The following GRIP1 variants were observed in gnomAD, a reference collection of about 807,000 sequenced individuals.
GRIP1 encodes glutamate receptor-interacting protein 1.
A neutral mutation model predicts 129.9 loss-of-function variants in GRIP1; 45 were observed. The observed-to-expected ratio is 0.35, with a 90% CI of 0.27 to 0.44. The LOEUF is 0.44. GRIP1 is among the 20% of genes least tolerant of loss of function. The probability of loss-of-function intolerance (pLI) is 1.00; values close to 1 mark genes in which losing one functional copy is unlikely to be tolerated. For missense variants in GRIP1, 1,196 were observed against 1,396.8 expected, an observed-to-expected ratio of 0.86 and a Z score of 2.29; for synonymous variants, 530 against 520.8, an observed-to-expected ratio of 1.02 and a Z score of -0.24.
chr12:66,871,465 C>T (rs1376270990), intron 1 of GRIP1, among the ~76,000 whole-genome samples: 2 of 152,082 alleles, frequency 1.3e-5, no homozygotes, highest in Admixed American at 6.6e-5. Flanking sequence ...GTTTGTGCCT[C>T]AGTTTCCTCA....
chr12:66,414,490 A>C (rs1179446811), intron 15 of GRIP1, among the ~76,000 whole-genome samples: 1 of 152,156 alleles, frequency 6.6e-6, no homozygotes, highest in Non-Finnish European at 1.5e-5. Context: ...GGATAGAAAA[A>C]ATCAATATCA....
chr12:66,380,963 T>C (rs61466449), intron 19 of GRIP1, among the ~76,000 whole-genome samples: 2,426 of 152,296 alleles, frequency 0.016, 67 homozygotes, highest in African/African-American at 0.055. Flanking sequence ...ATGGCCTGAT[T>C]GCGTAAGATG....
chr12:66,644,248 C>A (rs1411039284), intron 1 of GRIP1, among the ~76,000 whole-genome samples: 4 of 152,172 alleles, frequency 2.6e-5, no homozygotes, highest in Non-Finnish European at 4.4e-5. Context: ...GGTGGGGACA[C>A]AGGGCCAAAC....
chr12:66,750,752 T>C (rs1386730231), intron 1 of GRIP1, among the ~76,000 whole-genome samples: 2 of 152,172 alleles, frequency 1.3e-5, no homozygotes, highest in African/African-American at 4.8e-5. Flanking sequence ...ACAAAGAGAA[T>C]TCCATCACAC....
At chr12:66,825,594 G>A (rs1483084352) in intron 1 of GRIP1, among the ~76,000 whole-genome samples, 5 of 152,242 alleles carry the variant, frequency 3.3e-5, no homozygotes, top group Non-Finnish European at 2.9e-5. Flanking sequence ...TCTGTAAAAT[G>A]GGCATAATAT....
chr12:66,652,173 C>G (rs2136147150), intron 1 of GRIP1, among the ~76,000 whole-genome samples: 1 of 152,262 alleles, frequency 6.6e-6, no homozygotes, highest in Non-Finnish European at 1.5e-5. Context: ...TGTGTCCCCA[C>G]CCAAATCTCA....
intron 2 of GRIP1, among the ~76,000 whole-genome samples, chr12:66,565,056 T>C (rs1768759228): frequency 6.6e-6 from 1 of 152,218 alleles, no homozygotes; most frequent in Admixed American, 6.5e-5. Flanking sequence ...GCAAAAATTT[T>C]CCCCCATTCT....
chr12:66,403,250 A>G (rs577668795), intron 16 of GRIP1, among the ~76,000 whole-genome samples: 8 of 152,324 alleles, frequency 5.3e-5, no homozygotes, highest in African/African-American at 1.9e-4. Context: ...TGTACACGGT[A>G]CCCAATATGT....
chr12:66,937,290 C>G (rs2041502254), intron 1 of GRIP1, among the ~76,000 whole-genome samples: 1 of 152,176 alleles, frequency 6.6e-6, no homozygotes. Flanking sequence ...TTATTTTACT[C>G]CATGACATTT....
At chr12:66,836,191 C>A (rs1213439268) in intron 1 of GRIP1, among the ~76,000 whole-genome samples, 1 of 152,010 alleles carries the variant, frequency 6.6e-6, no homozygotes, top group East Asian at 1.9e-4. Flanking sequence ...AGACAAAACC[C>A]ACCTATGATA....
At chr12:66,762,003 T>C (rs1687203229) in intron 1 of GRIP1, among the ~76,000 whole-genome samples, 2 of 152,164 alleles carry the variant, frequency 1.3e-5, no homozygotes, top group African/African-American at 2.4e-5. Context: ...AAAATGAGGA[T>C]AGTTACATTT....
chr12:66,755,219 A>G (rs2136638862), intron 1 of GRIP1, among the ~76,000 whole-genome samples: 1 of 152,300 alleles, frequency 6.6e-6, no homozygotes, highest in Admixed American at 6.5e-5. Flanking sequence ...AAGGCAATGA[A>G]AAAACAAGCC....
At chr12:66,923,973 T>C (rs912006616) in intron 1 of GRIP1, among the ~76,000 whole-genome samples, 1 of 152,076 alleles carries the variant, frequency 6.6e-6, no homozygotes, top group Non-Finnish European at 1.5e-5. Context: ...GCCTCCCGAG[T>C]AGCTGGGATT....
intron 14 of GRIP1, among the ~76,000 whole-genome samples, chr12:66,431,536 T>C (rs1415190654): frequency 1.3e-5 from 2 of 152,240 alleles, no homozygotes; most frequent in African/African-American, 4.8e-5. Context: ...CACCATTTCA[T>C]ACTGCCCAAT....
At chr12:67,027,528 G>A (rs1206121851) in intron 1 of GRIP1, among the ~76,000 whole-genome samples, 2 of 152,180 alleles carry the variant, frequency 1.3e-5, no homozygotes, top group Non-Finnish European at 2.9e-5. Flanking sequence ...ATACCATCCT[G>A]TCCCTGTAGA....
rs2059181574 is a variant in GRIP1, at chr12:66,463,070, T to C, written c.896A>G (p.Asp299Gly). Residue 299 changes from aspartate to glycine, a missense_variant, in exon 9 of 25, where the codon GAT becomes GGT. Asp to Gly is a moderately conservative substitution (Grantham distance 94, BLOSUM62 -1). Transcript: ENST00000359742. The part of the protein sequence containing the change: ...ADRCGALHVG[D>G]HILSIDGTSM... ...GGTTCCATCGATGGAGAGGATGTGA[T>C]CTCCCACATGCAATGCGCCACATCT... The C allele has an allele frequency of 6.2e-7, 1 of 1,613,902 alleles. No homozygotes were observed. Among genetic ancestry groups the C allele is most frequent in the African/African-American group, 1.3e-5 (1 of 74,894 alleles).
chr12:66,852,938 C>G (rs2039939640), intron 1 of GRIP1, among the ~76,000 whole-genome samples: 2 of 151,890 alleles, frequency 1.3e-5, no homozygotes, highest in Non-Finnish European at 2.9e-5. Flanking sequence ...GACTCACATT[C>G]TAACACAGAC....
intron 10 of GRIP1, 113 bp from the exon 11 acceptor site, chr12:66,455,677 G>GCCATT: frequency 1.0e-6 from 1 of 963,104 alleles, no homozygotes; most frequent in Non-Finnish European, 1.6e-6. Flanking sequence ...GCAATGGCTA[G>GCCATT]GAAGGACCCC....
intron 1 of GRIP1, 95 bp downstream of exon 1, chr12:66,678,755 C>T: frequency 1.8e-6 from 2 of 1,136,898 alleles, no homozygotes; most frequent in Non-Finnish European, 2.6e-6. Flanking sequence ...CAATAAATTG[C>T]AAAGGCAGTC....
Sources: allele counts gnomAD v4.1 joint callset (sites outside exome capture counted in the v4.1 genomes callset), GRCh38; gene constraint gnomAD v4.1.1; transcripts MANE v1.5; gene names NCBI Gene and HGNC (gene_info 2026-07-23, HGNC 2026-07-21).